The following CTSB variants were observed in gnomAD, a reference collection of about 807,000 sequenced individuals.
CTSB encodes cathepsin B, also known as APP secretase.
CTSB carries 57 observed loss-of-function variants against 44.3 expected under a neutral mutation model. The observed-to-expected ratio is 1.29, with a 90% CI of 1.04 to 1.60. The LOEUF (loss-of-function observed/expected upper bound fraction) is 1.60, where lower values mean the gene tolerates loss of function less well. Among genes scored for constraint, CTSB ranks in the 40% most tolerant of loss-of-function variants. CTSB has a pLI of 0.00. For synonymous variants in CTSB, 320 were observed against 168.0 expected (o/e 1.91, Z -7.00); for missense variants, 768 against 443.0 (o/e 1.73, Z -6.59).
intron 1 of CTSB, among the ~76,000 whole-genome samples, chr8:11,856,015 G>C (rs1815441644): frequency 6.6e-6 from 1 of 151,956 alleles, no homozygotes; most frequent in Non-Finnish European, 1.5e-5. Context: ...GTGACAGTGA[G>C]ACTCTGCCTC....
At chr8:11,858,190 C>G (rs1164137105) in intron 1 of CTSB, among the ~76,000 whole-genome samples, 1 of 152,238 alleles carries the variant, frequency 6.6e-6, no homozygotes, top group Non-Finnish European at 1.5e-5. Context: ...CTCCAGCGGG[C>G]TCTGTTCCCT....
At position 11,853,022 on chromosome 8, in the gene CTSB, C is replaced by T. The variant is rs370516485; in HGVS notation, c.126+307G>A. 7.9e-5 allele frequency among the ~76,000 whole-genome samples: 12 copies of T among 152,288 alleles called. No individual in the cohort carries two copies. The East Asian group carries it at 1.2e-3, about 15-fold the overall frequency. On this transcript the variant is annotated intron_variant, in intron 2 of 9. Coordinates refer to ENST00000353047, the MANE Select transcript of CTSB (RefSeq NM_001908.5). Reference sequence around the variant, plus strand: ...GGACTGATAAACTGCCACTGTGCCACGGCGGGCGTCACAGGGGCTAGCTGG... The same window carrying T: ...GGACTGATAAACTGCCACTGTGCCATGGCGGGCGTCACAGGGGCTAGCTGG...
At chr8:11,849,763 T>C (rs146628196) in intron 4 of CTSB, among the ~76,000 whole-genome samples, 1 of 152,098 alleles carries the variant, frequency 6.6e-6, no homozygotes, top group African/African-American at 2.4e-5. Flanking sequence ...GTCTTTTTAG[T>C]AGAGACAGGG....
In CTSB at chr8:11,844,932, A is replaced by G. The variant is rs3088245; in HGVS notation, c.*193T>C. The G allele has an allele frequency of 0.035, 20,552 of 588,972 alleles. 637 individuals carry two copies. The highest frequency in any genetic ancestry group is 0.12 in the African/African-American group (6,597 of 53,798). The allele number at this position is 588,972 out of a possible 1,614,324, so 36.5% of individuals were successfully genotyped here. ...CTCTGTGCTGGCAGCGGTGGCTCAC[A>G]TGGCCTGTCTGCACTGTAACCACAG... On this transcript the variant is annotated 3_prime_UTR_variant, in exon 10 of 10. Coordinates refer to ENST00000353047, the MANE Select transcript of CTSB (RefSeq NM_001908.5).
intron 4 of CTSB, chr8:11,849,627 C>T (rs1220201519): frequency 3.3e-5 from 5 of 152,658 alleles, no homozygotes; most frequent in African/African-American, 1.2e-4. Context: ...GTTGCCCAGG[C>T]TGGAATGCAG....
chr8:11,844,939 G>A lies in CTSB; in HGVS notation c.*186C>T. 1.3e-5 allele frequency: 8 copies of A among 602,616 alleles called. No homozygotes were observed. The South Asian group carries it at 1.6e-4, about 12-fold the overall frequency. The allele number at this position is 602,616 out of a possible 1,614,324, so 37.3% of individuals were successfully genotyped here. ...CTGGCAGCGGTGGCTCACATGGCCTGTCTGCACTGTAACCACAGGCTGGGA... is the reference window on the plus strand; with the variant it reads ...CTGGCAGCGGTGGCTCACATGGCCTATCTGCACTGTAACCACAGGCTGGGA... On this transcript the variant is annotated 3_prime_UTR_variant, in exon 10 of 10. Transcript: ENST00000353047.
intron 5 of CTSB, chr8:11,848,385 A>G (rs1813860185): frequency 1.5e-6 from 1 of 653,994 alleles, no homozygotes; most frequent in South Asian, 1.5e-5. Context: ...GGGAGAAGAC[A>G]GGAGGCTCTC....
In CTSB at chr8:11,850,990, G is replaced by C. The variant is rs1814493851; in HGVS notation, c.213-10C>G. The C allele has an allele frequency of 8.1e-6, 13 of 1,601,978 alleles. No homozygotes were observed. The highest frequency in any genetic ancestry group is 1.0e-5 in the Non-Finnish European group (12 of 1,170,604). On this transcript the variant is annotated splice_polypyrimidine_tract_variant and intron_variant, in intron 3 of 9. Transcript: ENST00000353047. ...CTCGGTAAACATAACTCTGGATAAA[G>C]GAAGGTCTTCATTACAAGCTCTGAT...
At chr8:11,845,551 G>A (rs1036063142) in intron 9 of CTSB, 110 bp downstream of exon 9, 49 of 1,335,156 alleles carry the variant, frequency 3.7e-5, no homozygotes, top group African/African-American at 8.8e-5. Context: ...CAGCCTGGCC[G>A]TAGGTCCAGG....
Position 11,849,145 on chromosome 8 carries a change from G to C in CTSB, c.347C>G (p.Ala116Gly). 6.2e-7 allele frequency: 1 copy of C among 1,612,572 alleles called. No individual in the cohort carries two copies. The change falls in exon 5 of 10, where the codon GCC becomes GGC. Residue 116 changes from alanine (A) to glycine (G), a missense_variant. Coordinates refer to ENST00000353047, the MANE Select transcript of CTSB (RefSeq NM_001908.5). Reference protein sequence around the residue: ...GSCWAFGAVEAISDRICIHTN... With the variant: ...GSCWAFGAVEGISDRICIHTN... ...GTGGATGCAGATCCGGTCAGAGATG[G>C]CTTCCACAGCCCCGAAGGCCTGCAG...
intron 8 of CTSB, among the ~76,000 whole-genome samples, chr8:11,846,817 G>T (rs1004019758): frequency 1.3e-5 from 2 of 152,132 alleles, no homozygotes; most frequent in Non-Finnish European, 2.9e-5. Context: ...TAGCCCAGAG[G>T]CTCTGGGAGA....
At chr8:11,852,780 G>C in intron 2 of CTSB, 85 bp from the exon 3 acceptor site, 1 of 1,332,832 alleles carries the variant, frequency 7.5e-7, no homozygotes, top group Non-Finnish European at 1.1e-6. Flanking sequence ...CCCAACCCAG[G>C]GAAAACCAGA....
chr8:11,851,194 C>T (rs1199950341), intron 3 of CTSB, among the ~76,000 whole-genome samples: 1 of 115,892 alleles, frequency 8.6e-6, no homozygotes, highest in East Asian at 2.9e-4. Context: ...TTGGGTGGGA[C>T]GGGAGGGTGG....
In CTSB at chr8:11,845,629, C is replaced by T. The variant is rs569015563; in HGVS notation, c.922+32G>A. 53 of 1,603,998 alleles carry T rather than the reference C, an allele frequency of 3.3e-5. 1 individual carries two copies. Among genetic ancestry groups the T allele is most frequent in the South Asian group, 3.1e-4 (28 of 90,420 alleles). ...GCCACGGGGTGTGGCTCACAATTCA[C>T]TGTTCTTGGCAGGAAGGGGGCAGCC... is the stretch of plus-strand genomic sequence containing the variant. On this transcript the variant is annotated intron_variant, in intron 9 of 9. Coordinates refer to ENST00000353047, the MANE Select transcript of CTSB (RefSeq NM_001908.5).
chr8:11,845,948 G>A (rs1310516196), intron 8 of CTSB, among the ~76,000 whole-genome samples, 159 bp from the exon 9 acceptor site: 2 of 152,120 alleles, frequency 1.3e-5, no homozygotes, highest in Non-Finnish European at 2.9e-5. Context: ...CCACAATACT[G>A]GGGAATTAAA....
In CTSB at chr8:11,845,035, T is replaced by G. The variant is rs1349824868; in HGVS notation, c.*90A>C. 5 of 911,696 alleles carry G rather than the reference T, an allele frequency of 5.5e-6. No individual in the cohort carries two copies. The highest frequency in any genetic ancestry group is 3.5e-6 in the Non-Finnish European group (2 of 566,642). 56.5% of individuals were successfully genotyped at this position (911,696 alleles called of 1,614,324 possible). A position where few individuals can be genotyped will look rare whatever the true frequency, so the allele number is the denominator to read the frequency against. On this transcript the variant is annotated 3_prime_UTR_variant, in exon 10 of 10. Transcript: ENST00000353047. ...CCAATCCAGTCCTTCAGACCCTGTC[T>G]GAAACTTGTATCTTACGTGAACTTA...
intron 9 of CTSB, 122 bp downstream of exon 9, chr8:11,845,539 C>T: frequency 8.0e-7 from 1 of 1,244,626 alleles, no homozygotes; most frequent in East Asian, 2.5e-5. Flanking sequence ...AGGAGGAGCT[C>T]ACAGCCTGGC....
intron 1 of CTSB, among the ~76,000 whole-genome samples, chr8:11,859,331 G>A (rs1337201692): frequency 6.6e-6 from 1 of 152,134 alleles, no homozygotes; most frequent in African/African-American, 2.4e-5. Flanking sequence ...GCCGTTTCCA[G>A]GACAAATAGG....
chr8:11,846,472 A>G (rs1365835996), intron 8 of CTSB: 1 of 152,692 alleles, frequency 6.5e-6, no homozygotes, highest in South Asian at 2.1e-4. Flanking sequence ...CAGTCAGCAA[A>G]GACTGTTCAT....
Sources: allele counts gnomAD v4.1 joint callset (sites outside exome capture counted in the v4.1 genomes callset), GRCh38; gene constraint gnomAD v4.1.1; transcripts MANE v1.5; gene names NCBI Gene and HGNC (gene_info 2026-07-23, HGNC 2026-07-21).